Variants in CDH23 observed in about 807,000 individuals in gnomAD.
CDH23 encodes cadherin-23.
Under a neutral mutation model 317.1 loss-of-function variants are expected in CDH23, and 189 were observed. The ratio of observed to expected loss-of-function variants is 0.60; its 90% CI spans 0.53 to 0.67. CDH23 has a LOEUF of 0.67. Ranked by LOEUF, CDH23 falls within the 30% of genes least tolerant of loss-of-function variation. The pLI, the probability that CDH23 is intolerant of heterozygous loss-of-function variation, is 0.00. For synonymous variants in CDH23, 1,839 were observed against 1,876.8 expected, an observed-to-expected ratio of 0.98 and a Z score of 0.52; for missense variants, 4,401 against 4,592.4, an observed-to-expected ratio of 0.96 and a Z score of 1.20.
intron 24 of CDH23, among the ~76,000 whole-genome samples, chr10:71,703,244 G>C (rs1247513545): frequency 2.0e-5 from 3 of 152,176 alleles, no homozygotes; most frequent in Non-Finnish European, 2.9e-5. Context: ...TGGTTTAGGG[G>C]AGATGACATC....
At chr10:71,505,544 C>T (rs1412139385) in intron 3 of CDH23, among the ~76,000 whole-genome samples, 2 of 152,184 alleles carry the variant, frequency 1.3e-5, no homozygotes, top group Admixed American at 1.3e-4. Flanking sequence ...TTAGGAGGAG[C>T]AGTCTCTGAT....
intron 1 of CDH23, among the ~76,000 whole-genome samples, chr10:71,422,015 T>C (rs577507649): frequency 3.2e-4 from 49 of 152,324 alleles, no homozygotes; most frequent in African/African-American, 1.1e-3. Context: ...CCTGGATGTA[T>C]ACAAGTTTGG....
At chr10:71,622,660 T>C (rs182142325) in intron 11 of CDH23, among the ~76,000 whole-genome samples, 4 of 152,352 alleles carry the variant, frequency 2.6e-5, no homozygotes, top group Admixed American at 1.3e-4. Flanking sequence ...TGACAGTTCC[T>C]CTCATCCGCT....
At position 71,537,818 on chromosome 10, in the gene CDH23, T is replaced by C. The variant is rs77284035; in HGVS notation, c.429+26606T>C. Reference sequence around the variant, plus strand: ...CAAACATCACTTCGTTTCCCTCTCCTGACTGTTTTTGCGATGATGGTGTTA... The same window carrying C: ...CAAACATCACTTCGTTTCCCTCTCCCGACTGTTTTTGCGATGATGGTGTTA... On this transcript the variant is annotated intron_variant, in intron 6 of 69. Transcript: ENST00000224721. 4.1e-3 allele frequency among the ~76,000 whole-genome samples: 621 copies of C among 152,330 alleles called. 7 individuals carry two copies. The highest frequency in any genetic ancestry group is 0.014 in the African/African-American group (598 of 41,558).
intron 62 of CDH23, among the ~76,000 whole-genome samples, chr10:71,810,806 C>A (rs879664748): frequency 6.6e-6 from 1 of 152,086 alleles, no homozygotes; most frequent in Non-Finnish European, 1.5e-5. Context: ...TCAGGCCATG[C>A]GCAGTGGCTC....
chr10:71,566,256 A>G (rs1312391256), intron 6 of CDH23, among the ~76,000 whole-genome samples: 1 of 152,048 alleles, frequency 6.6e-6, no homozygotes, highest in East Asian at 1.9e-4. Context: ...CCCAGGAAGA[A>G]CCCTCAGCAG....
Position 71,810,507 on chromosome 10 carries a change from G to C in CDH23, c.9015G>C (p.Ala3005=), listed in dbSNP as rs376497158. ...ACAAGAAGGGCCGGGTGAACTTTGC[G>C]CAGACAGAACTGCTTATCCACGTGG... ...HVDKKGRVNF[A]QTELLIHVVN... Residue 3005 remains alanine, a synonymous_variant, in exon 62 of 70, where the codon GCG becomes GCC. Coordinates refer to ENST00000224721, the MANE Select transcript of CDH23 (RefSeq NM_022124.6). The C allele has an allele frequency of 1.2e-5, 20 of 1,613,870 alleles. No individual in the cohort carries two copies. The highest frequency in any genetic ancestry group is 1.6e-5 in the Non-Finnish European group (19 of 1,179,882).
intron 53 of CDH23, among the ~76,000 whole-genome samples, chr10:71,801,313 C>T (rs1208975106): frequency 1.3e-5 from 2 of 152,006 alleles, no homozygotes. Context: ...CGCTACCACA[C>T]CCGGCTAATT....
At chr10:71,744,409 C>T (rs1048169424) in intron 38 of CDH23, among the ~76,000 whole-genome samples, 1 of 152,154 alleles carries the variant, frequency 6.6e-6, no homozygotes, top group African/African-American at 2.4e-5. Context: ...CCTTTGGGTC[C>T]CCAGAATAAA....
intron 6 of CDH23, among the ~76,000 whole-genome samples, chr10:71,556,631 G>T (rs1303744521): frequency 6.6e-6 from 1 of 151,926 alleles, no homozygotes; most frequent in Middle Eastern, 3.4e-3. Flanking sequence ...CCACTCAGTG[G>T]TGCAGCCATA....
intron 9 of CDH23, among the ~76,000 whole-genome samples, chr10:71,600,754 G>A (rs911076240): frequency 6.6e-6 from 1 of 152,006 alleles, no homozygotes; most frequent in Non-Finnish European, 1.5e-5. Context: ...CTGACCTTGT[G>A]ATCCACACGC....
rs187116229 is a variant in CDH23, at chr10:71,675,949, A to G, written c.1514+773A>G. Among the ~76,000 whole-genome samples, 42 of 119,344 alleles carry G rather than the reference A, an allele frequency of 3.5e-4. No homozygotes were observed. The East Asian group carries it at 7.7e-3, about 22-fold the overall frequency. The allele number at this position is 119,344 out of a possible 152,430, so 78.3% of individuals were successfully genotyped here. A position where few individuals can be genotyped will look rare whatever the true frequency, so the allele number is the denominator to read the frequency against. On this transcript the variant is annotated intron_variant, in intron 15 of 69. Coordinates refer to ENST00000224721, the MANE Select transcript of CDH23 (RefSeq NM_022124.6). ...GAAACAGAGTCTCACTCTGTTGCCC[A>G]GGCTGTAGTGCAATGGTGCAATCTC...
intron 6 of CDH23, among the ~76,000 whole-genome samples, 172 bp downstream of exon 6, chr10:71,511,384 G>A (rs947070113): frequency 6.6e-5 from 10 of 152,128 alleles, no homozygotes; most frequent in African/African-American, 2.2e-4. Context: ...CCTGGGAATC[G>A]GGGCCCAGCC....
At chr10:71,592,416 G>A (rs1443955800) in intron 9 of CDH23, among the ~76,000 whole-genome samples, 1 of 152,234 alleles carries the variant, frequency 6.6e-6, no homozygotes, top group Non-Finnish European at 1.5e-5. Context: ...GAAGTCTGAA[G>A]TGAGGCTTAT....
chr10:71,507,695 C>A (rs114612133), intron 3 of CDH23, among the ~76,000 whole-genome samples: 5,130 of 152,202 alleles, frequency 0.034, 219 homozygotes, highest in East Asian at 0.12. Context: ...CCCTGCCACC[C>A]AAAAAATAAT....
At position 71,730,551 on chromosome 10, in the gene CDH23, C is replaced by T. The variant is rs1427983030; in HGVS notation, c.3662C>T (p.Thr1221Ile). 2 of 1,613,974 alleles carry T rather than the reference C, an allele frequency of 1.2e-6. No individual in the cohort carries two copies. The highest frequency in any genetic ancestry group is 1.7e-6 in the Non-Finnish European group (2 of 1,179,888). The change falls in exon 31 of 70, where the codon ACC becomes ATC. Residue 1221 changes from threonine (T) to isoleucine (I), a missense_variant. By Grantham distance (89) the Thr-to-Ile change is moderately conservative. Transcript: ENST00000224721. ...TACAGCCGTCTGGGGCTTCGAGAGA[C>T]CGCAGGCATTGGAACGTCAGTCATC... ...QQYSRLGLRE[T>I]AGIGTSVIVV...
At chr10:71,742,417 G>A (rs1369552363) in intron 38 of CDH23, among the ~76,000 whole-genome samples, 2 of 152,214 alleles carry the variant, frequency 1.3e-5, no homozygotes, top group Non-Finnish European at 2.9e-5. Context: ...CGTGTCTGTG[G>A]TTCACACTAA....
chr10:71,480,274 T>A (rs1490490563), intron 3 of CDH23, among the ~76,000 whole-genome samples: 1 of 152,260 alleles, frequency 6.6e-6, no homozygotes, highest in Non-Finnish European at 1.5e-5. Flanking sequence ...GCAGCGCGTC[T>A]GCCCACATTC....
At position 71,536,834 on chromosome 10, in the gene CDH23, TG is replaced by T. The variant is rs575834184; in HGVS notation, c.429+25626del. On this transcript the variant is annotated intron_variant, in intron 6 of 69. Coordinates refer to ENST00000224721, the MANE Select transcript of CDH23 (RefSeq NM_022124.6). The stretch of plus-strand genomic sequence containing the variant: ...GTGGAAGGGACCCATCAGGGTGCAG[TG>T]GGGTCTCTGGGGGCCAGGAGACCAT... 3.5e-4 allele frequency among the ~76,000 whole-genome samples: 53 copies of T among 152,088 alleles called. 1 individual carries two copies. In the East Asian group the frequency reaches 9.1e-3, roughly 26 times the overall value.
Sources: allele counts gnomAD v4.1 joint callset (sites outside exome capture counted in the v4.1 genomes callset), GRCh38; gene constraint gnomAD v4.1.1; transcripts MANE v1.5; gene names NCBI Gene and HGNC (gene_info 2026-07-23, HGNC 2026-07-21).